KIN: variants seen among roughly 807,000 people sequenced by gnomAD.
The protein encoded by KIN is Kin17 DNA and RNA binding protein, also known as DNA/RNA-binding protein KIN17.
KIN carries 47 observed loss-of-function variants against 63.0 expected under a neutral mutation model. The ratio of observed to expected loss-of-function variants is 0.75; its 90% CI spans 0.59 to 0.95. The LOEUF is 0.95. Ranked by LOEUF, KIN falls within the 40% of genes least tolerant of loss-of-function variation. The pLI is 0.00. For missense variants in KIN, 408 were observed against 460.9 expected (o/e 0.89, Z 1.05); for synonymous variants, 160 against 157.7 (o/e 1.01, Z -0.11).
chr10:7,763,641 G>A, intron 10 of KIN, 82 bp downstream of exon 10: 1 of 775,190 alleles, frequency 1.3e-6, no homozygotes, highest in South Asian at 1.6e-5. Flanking sequence ...ACTAGGACTT[G>A]ATTTTCAAGA....
At chr10:7,778,516 G>A (rs1409444046) in intron 5 of KIN, among the ~76,000 whole-genome samples, 6 of 152,142 alleles carry the variant, frequency 3.9e-5, no homozygotes, top group East Asian at 3.9e-4. Context: ...CGAGGCGGCC[G>A]GATCACGAGG....
At position 7,754,248 on chromosome 10, in the gene KIN, T is replaced by C. The variant is rs1297965500; in HGVS notation, c.*1832A>G. On this transcript the variant is annotated 3_prime_UTR_variant, in exon 13 of 13. Coordinates refer to ENST00000379562, the MANE Select transcript of KIN (RefSeq NM_012311.4). Reference sequence around the variant, plus strand: ...CGGGAGGCTGAGGTGGGAGAATCAATGACCTAAGCCCAGGAGGACGAGGCT... The same window carrying C: ...CGGGAGGCTGAGGTGGGAGAATCAACGACCTAAGCCCAGGAGGACGAGGCT... The C allele has an allele frequency of 1.1e-5, 4 of 372,922 alleles. No individual in the cohort carries two copies. The highest frequency in any genetic ancestry group is 6.5e-5 in the Admixed American group (2 of 30,760). The allele number at this position is 372,922 out of a possible 1,614,324, so 23.1% of individuals were successfully genotyped here.
At chr10:7,772,064 G>A (rs1333561864) in intron 7 of KIN, among the ~76,000 whole-genome samples, 2 of 152,042 alleles carry the variant, frequency 1.3e-5, no homozygotes, top group Non-Finnish European at 2.9e-5. Flanking sequence ...GGCAAGAAAG[G>A]GCGAGACCCT....
At chr10:7,777,047 G>A (rs1405525130) in intron 5 of KIN, among the ~76,000 whole-genome samples, 1 of 86,162 alleles carries the variant, frequency 1.2e-5, no homozygotes, top group Admixed American at 1.8e-4. Flanking sequence ...GAGAGAGACA[G>A]TCTCTCAAAA....
intron 10 of KIN, among the ~76,000 whole-genome samples, chr10:7,762,998 G>A (rs1057504732): frequency 2.0e-5 from 3 of 152,190 alleles, no homozygotes; most frequent in African/African-American, 7.2e-5. Context: ...GCTCACATCT[G>A]TAATCCCAGT....
intron 8 of KIN, chr10:7,766,310 G>C: frequency 2.2e-6 from 1 of 448,932 alleles, no homozygotes; most frequent in Non-Finnish European, 3.9e-6. Flanking sequence ...GTTTTTAAAA[G>C]TATATAATAA....
In KIN at chr10:7,781,017, T is replaced by A. The variant is rs552229900; in HGVS notation, c.210-710A>T. On this transcript the variant is annotated intron_variant, in intron 2 of 12. Coordinates refer to ENST00000379562, the MANE Select transcript of KIN (RefSeq NM_012311.4). ...ACTTAATATGTCCCTCTGAGCTGGG[T>A]ACACCGTATTAAGTGCTAGATAAAC... 2.0e-5 allele frequency among the ~76,000 whole-genome samples: 3 copies of A among 152,334 alleles called. No homozygotes were observed. In the South Asian group the frequency reaches 6.2e-4, roughly 32 times the overall value.
intron 7 of KIN, among the ~76,000 whole-genome samples, chr10:7,774,218 G>A (rs532394007): frequency 6.6e-6 from 1 of 152,172 alleles, no homozygotes; most frequent in Non-Finnish European, 1.5e-5. Context: ...TACCTAGAAG[G>A]GCGGGCAATG....
At chr10:7,774,777 A>T in intron 7 of KIN, 54 bp downstream of exon 7, 1 of 1,325,328 alleles carries the variant, frequency 7.5e-7, no homozygotes, top group Non-Finnish European at 1.1e-6. Flanking sequence ...TACAGTAACC[A>T]ATATTTCACA....
At chr10:7,766,246 A>G in intron 8 of KIN, 143 bp from the exon 9 acceptor site, 4 of 527,318 alleles carry the variant, frequency 7.6e-6, no homozygotes, top group Non-Finnish European at 1.3e-5. Context: ...GCGAGCTCTG[A>G]TAAATACAAA....
intron 9 of KIN, among the ~76,000 whole-genome samples, chr10:7,765,341 T>C (rs1835522719): frequency 6.6e-6 from 1 of 151,830 alleles, no homozygotes; most frequent in Non-Finnish European, 1.5e-5. Context: ...ATGCTTGTAG[T>C]CCTAGCTACT....
intron 9 of KIN, among the ~76,000 whole-genome samples, chr10:7,764,211 G>T (rs189904526): frequency 2.0e-5 from 3 of 152,252 alleles, no homozygotes; most frequent in African/African-American, 7.2e-5. Context: ...ACTGGAAATT[G>T]CAAGGCACTG....
rs1396042699 is a variant in KIN, at chr10:7,778,874, T to C, written c.522A>G (p.Glu174=). 1 of 1,614,172 alleles carries C rather than the reference T, an allele frequency of 6.2e-7. No homozygotes were observed. The highest frequency in any genetic ancestry group is 8.5e-7 in the Non-Finnish European group (1 of 1,180,032). The change falls in exon 5 of 13, where the codon GAA becomes GAG. Residue 174 remains glutamate (E), a synonymous_variant. Transcript: ENST00000379562. ...CTTCCAGGCCTCTTCTCACTTGCTC[T>C]TCAATAAATTTGGCAGTTTTTTCTT... ...DDEEKTAKFI[E]EQVRRGLEGK...
intron 7 of KIN, among the ~76,000 whole-genome samples, chr10:7,774,494 AAC>A (rs930935267): frequency 6.6e-6 from 1 of 152,096 alleles, no homozygotes; most frequent in African/African-American, 2.4e-5. Flanking sequence ...TTCCTCAAAA[AAC>A]ACAATCATCT....
intron 9 of KIN, among the ~76,000 whole-genome samples, chr10:7,764,942 C>T (rs968210128): frequency 2.0e-5 from 3 of 151,748 alleles, no homozygotes; most frequent in Non-Finnish European, 4.4e-5. Flanking sequence ...GGTGGATCAC[C>T]TGAGGTCTGG....
chr10:7,779,742 T>C (rs1211856062), intron 4 of KIN, among the ~76,000 whole-genome samples: 4 of 152,198 alleles, frequency 2.6e-5, no homozygotes, highest in Non-Finnish European at 5.9e-5. Flanking sequence ...TTTTATTTTA[T>C]ATAAGGGACT....
intron 8 of KIN, among the ~76,000 whole-genome samples, chr10:7,768,596 G>A (rs1265632510): frequency 1.3e-5 from 2 of 152,004 alleles, no homozygotes; most frequent in African/African-American, 4.8e-5. Flanking sequence ...CTAAGCGGAA[G>A]TCAAAGTCAA....
At chr10:7,785,808 G>T (rs1325803305) in intron 1 of KIN, among the ~76,000 whole-genome samples, 1 of 128,700 alleles carries the variant, frequency 7.8e-6, no homozygotes, top group African/African-American at 2.7e-5. Flanking sequence ...GTGAGACTCT[G>T]TCTAGAAAAA....
chr10:7,762,962 A>T (rs1261006654), intron 10 of KIN, among the ~76,000 whole-genome samples: 1 of 152,168 alleles, frequency 6.6e-6, no homozygotes, highest in South Asian at 2.1e-4. Flanking sequence ...CAAACTTTAA[A>T]ATCTCAGAGT....
Sources: gnomAD v4.1 joint callset for allele counts (sites outside exome capture counted in the v4.1 genomes callset) on GRCh38, gnomAD v4.1.1 for gene constraint, MANE v1.5 for transcripts, NCBI Gene and HGNC (gene_info 2026-07-23, HGNC 2026-07-21) for gene names.